FHIP1A: variants seen among roughly 807,000 people sequenced by gnomAD.
FHIP1A encodes the protein FHF complex subunit HOOK-interacting protein 1A.
FHIP1A carries 61 observed loss-of-function variants against 88.6 expected under a neutral mutation model. That is an observed-to-expected ratio of 0.69 (90% CI 0.56 to 0.85). FHIP1A has a LOEUF of 0.85. Among genes scored for constraint, FHIP1A ranks in the 40% least tolerant of loss-of-function variants. The probability of loss-of-function intolerance (pLI) is 0.00; values close to 1 mark genes in which losing one functional copy is unlikely to be tolerated. For synonymous variants in FHIP1A, 478 were observed against 496.0 expected (o/e 0.96, Z 0.48); for missense variants, 1,154 against 1,273.5 (o/e 0.91, Z 1.43).
chr4:151,533,696 C>T (rs1731966684), intron 3 of FHIP1A, among the ~76,000 whole-genome samples: 1 of 152,152 alleles, frequency 6.6e-6, no homozygotes, highest in African/African-American at 2.4e-5. Context: ...AGGGAAAGCC[C>T]ATTTACCCTG....
intron 1 of FHIP1A, among the ~76,000 whole-genome samples, chr4:151,444,966 A>G (rs1325960784): frequency 6.6e-6 from 1 of 152,170 alleles, no homozygotes; most frequent in African/African-American, 2.4e-5. Context: ...TAATTCTGAC[A>G]CTAACTGCCT....
intron 1 of FHIP1A, among the ~76,000 whole-genome samples, chr4:151,452,054 C>T (rs1350352323): frequency 6.6e-6 from 1 of 152,144 alleles, no homozygotes; most frequent in Non-Finnish European, 1.5e-5. Context: ...CTCTGGAGCT[C>T]AAGCAATCCT....
chr4:151,615,137 C>A (rs1192506296), intron 7 of FHIP1A, among the ~76,000 whole-genome samples: 1 of 152,182 alleles, frequency 6.6e-6, no homozygotes, highest in Non-Finnish European at 1.5e-5. Flanking sequence ...TGAACTCTTA[C>A]AATGGGAGAC....
chr4:151,655,537 C>CTG (rs1484387555), intron 11 of FHIP1A, among the ~76,000 whole-genome samples: 1 of 152,204 alleles, frequency 6.6e-6, no homozygotes, highest in Non-Finnish European at 1.5e-5. Flanking sequence ...TCTCCCAAAA[C>CTG]TGACACCCTT....
rs563226171 is a variant in FHIP1A, at chr4:151,485,342, T to C, written c.-123+2694T>C. 2.1e-4 allele frequency among the ~76,000 whole-genome samples: 31 copies of C among 149,444 alleles called. No homozygotes were observed. The East Asian group carries it at 6.1e-3, about 30-fold the overall frequency. On this transcript the variant is annotated intron_variant, in intron 3 of 13. Coordinates refer to ENST00000435205, the MANE Select transcript of FHIP1A (RefSeq NM_001109977.3). ...ACCAGAATGGCTTAAAATAAATATG[T>C]ATAATTTATGTTTGGTCGTGTTTTC... is the stretch of plus-strand genomic sequence containing the variant.
chr4:151,596,838 T>A (rs1734667843), intron 7 of FHIP1A, among the ~76,000 whole-genome samples: 1 of 152,160 alleles, frequency 6.6e-6, no homozygotes, highest in African/African-American at 2.4e-5. Flanking sequence ...TTGTGTATGC[T>A]TCATGAAGTG....
intron 3 of FHIP1A, among the ~76,000 whole-genome samples, chr4:151,485,282 G>GGTTTTTTTT (rs1730038043): frequency 8.4e-6 from 1 of 118,730 alleles, no homozygotes; most frequent in African/African-American, 3.4e-5. Context: ...ATCTTTTCCA[G>GGTTTTTTTT]TTTTTTTTTT....
chr4:151,501,246 C>T (rs1479850542), intron 3 of FHIP1A, among the ~76,000 whole-genome samples: 1 of 152,110 alleles, frequency 6.6e-6, no homozygotes, highest in Non-Finnish European at 1.5e-5. Flanking sequence ...CAAGTATTTG[C>T]TTGAGTACCT....
At chr4:151,606,879 G>T (rs1453380655) in intron 7 of FHIP1A, among the ~76,000 whole-genome samples, 1 of 152,206 alleles carries the variant, frequency 6.6e-6, no homozygotes, top group African/African-American at 2.4e-5. Context: ...CAGACTGCTG[G>T]TCTGGTAAGA....
chr4:151,643,199 A>G (rs1468139638), intron 9 of FHIP1A, among the ~76,000 whole-genome samples: 1 of 152,104 alleles, frequency 6.6e-6, no homozygotes. Flanking sequence ...TCTATTTCTA[A>G]TCTTTTCCTG....
intron 7 of FHIP1A, among the ~76,000 whole-genome samples, chr4:151,603,953 C>T (rs567217087): frequency 6.6e-6 from 1 of 152,318 alleles, no homozygotes; most frequent in South Asian, 2.1e-4. Flanking sequence ...CACAAAACTG[C>T]TGGATTAAAT....
Position 151,662,792 on chromosome 4 carries a change from A to C in FHIP1A, c.*38A>C. 7.0e-7 allele frequency: 1 copy of C among 1,422,740 alleles called. No individual in the cohort carries two copies. 88.1% of individuals were successfully genotyped at this position (1,422,740 alleles called of 1,614,324 possible). A position where few individuals can be genotyped will look rare whatever the true frequency, so the allele number is the denominator to read the frequency against. ...TTTTTAATAGAGGTTCTTGTTTTGT[A>C]AGGTTTTAGTGTCTTGACTGAATGT... On this transcript the variant is annotated 3_prime_UTR_variant, in exon 14 of 14. Transcript: ENST00000435205.
rs376523990 is a variant in FHIP1A, at chr4:151,649,678, G to T, written c.1637G>T (p.Ser546Ile). 20 of 1,551,446 alleles carry T rather than the reference G, an allele frequency of 1.3e-5. No homozygotes were observed. Among genetic ancestry groups the T allele is most frequent in the Admixed American group, 2.0e-5 (1 of 50,970 alleles). Residue 546 changes from serine (S) to isoleucine (I), a missense_variant, in exon 11 of 14, where the codon AGC becomes ATC. Physicochemically the swap from Ser to Ile is moderately radical, Grantham distance 142 (BLOSUM62 -2). Coordinates refer to ENST00000435205, the MANE Select transcript of FHIP1A (RefSeq NM_001109977.3). Reference protein sequence around the residue: ...LQSLTEEGSVSSACPVFGLPQ... With the variant: ...LQSLTEEGSVISACPVFGLPQ... ...AGTCTGACGGAGGAGGGCAGTGTGAGCTCGGCCTGCCCTGTGTTCGGGCTC... is the reference window on the plus strand; with the variant it reads ...AGTCTGACGGAGGAGGGCAGTGTGATCTCGGCCTGCCCTGTGTTCGGGCTC...
At chr4:151,612,854 T>C (rs1372997869) in intron 7 of FHIP1A, among the ~76,000 whole-genome samples, 1 of 152,194 alleles carries the variant, frequency 6.6e-6, no homozygotes, top group Non-Finnish European at 1.5e-5. Flanking sequence ...CATTCTCACA[T>C]GGAATCCTTT....
chr4:151,588,835 C>T lies in FHIP1A; in HGVS notation c.892-5C>T, dbSNP rs766784192. ...CTTTTTCATGCCTATGTGCCTCTCT[C>T]TCAGGTGGCTCACCCCTTGATTCGA... On this transcript the variant is annotated splice_region_variant and splice_polypyrimidine_tract_variant and intron_variant, in intron 6 of 13. Transcript: ENST00000435205. 41 of 1,543,100 alleles carry T rather than the reference C, an allele frequency of 2.7e-5. No homozygotes were observed. The African/African-American group carries it at 5.2e-4, about 20-fold the overall frequency.
intron 2 of FHIP1A, among the ~76,000 whole-genome samples, chr4:151,481,433 T>C (rs1729890133): frequency 6.6e-6 from 1 of 152,024 alleles, no homozygotes; most frequent in Non-Finnish European, 1.5e-5. Flanking sequence ...AATTATGTGG[T>C]TGTGGCAAAT....
At chr4:151,434,686 G>A (rs1473895560) in intron 1 of FHIP1A, among the ~76,000 whole-genome samples, 1 of 152,138 alleles carries the variant, frequency 6.6e-6, no homozygotes, top group Non-Finnish European at 1.5e-5. Flanking sequence ...TATTATTAGT[G>A]ACATGGGACT....
At chr4:151,571,901 A>G (rs948115796) in intron 4 of FHIP1A, among the ~76,000 whole-genome samples, 7 of 152,354 alleles carry the variant, frequency 4.6e-5, no homozygotes, top group South Asian at 2.1e-4. Flanking sequence ...TTGCACTTCT[A>G]TCAGACTCTA....
At chr4:151,560,081 C>T (rs1350326920) in intron 3 of FHIP1A, among the ~76,000 whole-genome samples, 1 of 152,120 alleles carries the variant, frequency 6.6e-6, no homozygotes, top group African/African-American at 2.4e-5. Context: ...ACTACAGCCA[C>T]CTCTCTTCAG....
Sources: gnomAD v4.1 joint callset for allele counts (sites outside exome capture counted in the v4.1 genomes callset) on GRCh38, gnomAD v4.1.1 for gene constraint, MANE v1.5 for transcripts, NCBI Gene and HGNC (gene_info 2026-07-23, HGNC 2026-07-21) for gene names.